The following CNTN4 variants were observed in gnomAD, a reference collection of about 807,000 sequenced individuals.
CNTN4 encodes the protein contactin 4.
A neutral mutation model predicts 122.5 loss-of-function variants in CNTN4; 77 were observed. The ratio of observed to expected loss-of-function variants is 0.63; its 90% confidence interval spans 0.52 to 0.76. CNTN4 has a LOEUF of 0.76. Among genes scored for constraint, CNTN4 ranks in the 30% least tolerant of loss-of-function variants. CNTN4 has a pLI of 0.00. For synonymous variants in CNTN4, 512 were observed against 447.0 expected, an observed-to-expected ratio of 1.15 and a Z score of -1.83; for missense variants, 1,256 against 1,259.1, an observed-to-expected ratio of 1.00 and a Z score of 0.04.
At chr3:2,103,414 C>A (rs183567055) in intron 2 of CNTN4, among the ~76,000 whole-genome samples, 1,717 of 152,272 alleles carry the variant, frequency 0.011, 13 homozygotes, top group Non-Finnish European at 0.016. Context: ...CACTTACACA[C>A]CCTTCACCAC....
chr3:2,453,576 T>G (rs998341111), intron 3 of CNTN4, among the ~76,000 whole-genome samples: 4 of 152,176 alleles, frequency 2.6e-5, no homozygotes, highest in Admixed American at 6.6e-5. Flanking sequence ...TTCATGATCA[T>G]GTAGCTTTTC....
chr3:2,637,651 C>T (rs1576307970), intron 4 of CNTN4, among the ~76,000 whole-genome samples: 1 of 152,072 alleles, frequency 6.6e-6, no homozygotes, highest in Non-Finnish European at 1.5e-5. Context: ...TGAATTCATC[C>T]TCTTGATTAT....
intron 3 of CNTN4, among the ~76,000 whole-genome samples, chr3:2,447,486 TTATAA>T (rs1405052056): frequency 1.3e-5 from 2 of 152,170 alleles, no homozygotes; most frequent in Admixed American, 1.3e-4. Context: ...ATGTCTATAT[TTATAA>T]TATATTTTAT....
chr3:2,932,788 G>A (rs1371628548), intron 13 of CNTN4, among the ~76,000 whole-genome samples: 1 of 148,914 alleles, frequency 6.7e-6, no homozygotes, highest in African/African-American at 2.5e-5. Context: ...CAAAGATGCA[G>A]ATGCTTACAG....
chr3:2,634,677 A>G (rs1180194762), intron 4 of CNTN4, among the ~76,000 whole-genome samples: 2 of 40,476 alleles, frequency 4.9e-5, no homozygotes, highest in Non-Finnish European at 9.4e-5. Flanking sequence ...AAAAATACAG[A>G]AAAAAAAAAA....
intron 3 of CNTN4, among the ~76,000 whole-genome samples, chr3:2,386,398 C>G (rs2046259221): frequency 3.3e-5 from 5 of 152,160 alleles, no homozygotes; most frequent in Admixed American, 3.3e-4. Context: ...TCACTTCAGA[C>G]AACAAAGAAT....
At chr3:2,660,771 A>C (rs868664422) in intron 4 of CNTN4, among the ~76,000 whole-genome samples, 5 of 152,224 alleles carry the variant, frequency 3.3e-5, no homozygotes, top group Admixed American at 6.5e-5. Flanking sequence ...CTTTTTTCCG[A>C]AGGCCAGAAT....
At chr3:2,760,726 A>T (rs924899560) in intron 6 of CNTN4, among the ~76,000 whole-genome samples, 3 of 152,186 alleles carry the variant, frequency 2.0e-5, no homozygotes, top group Non-Finnish European at 2.9e-5. Context: ...TTGGATATGT[A>T]ATATAAAATT....
chr3:2,668,310 C>T (rs1346640705), intron 4 of CNTN4, among the ~76,000 whole-genome samples: 1 of 152,128 alleles, frequency 6.6e-6, no homozygotes, highest in Non-Finnish European at 1.5e-5. Context: ...TCCTTCACAT[C>T]CTTTGTAAGT....
chr3:2,254,290 T>C (rs867788176), intron 2 of CNTN4, among the ~76,000 whole-genome samples: 19 of 152,280 alleles, frequency 1.2e-4, no homozygotes, highest in Middle Eastern at 6.8e-3. Flanking sequence ...CAGTCTGTCA[T>C]TGATGGGCAT....
intron 3 of CNTN4, among the ~76,000 whole-genome samples, chr3:2,561,581 T>A (rs2078957535): frequency 6.6e-6 from 1 of 152,114 alleles, no homozygotes; most frequent in Non-Finnish European, 1.5e-5. Context: ...CTCTTGTTTT[T>A]TCCAGCAAGT....
chr3:3,050,908 C>T (rs1701202087), intron 23 of CNTN4, among the ~76,000 whole-genome samples: 1 of 152,042 alleles, frequency 6.6e-6, no homozygotes, highest in African/African-American at 2.4e-5. Context: ...AGAATAATAA[C>T]ATTGCCTTCC....
chr3:2,539,192 A>G (rs1320126315), intron 3 of CNTN4, among the ~76,000 whole-genome samples: 3 of 152,072 alleles, frequency 2.0e-5, no homozygotes, highest in South Asian at 2.1e-4. Flanking sequence ...TAGGTTGACA[A>G]TTTATTCTTG....
chr3:2,508,050 G>C (rs879911318), intron 3 of CNTN4, among the ~76,000 whole-genome samples: 1 of 152,136 alleles, frequency 6.6e-6, no homozygotes, highest in Non-Finnish European at 1.5e-5. Flanking sequence ...TCCACAGACT[G>C]TTTTAATTTC....
chr3:2,666,587 T>G (rs1178866536), intron 4 of CNTN4, among the ~76,000 whole-genome samples: 5 of 78,858 alleles, frequency 6.3e-5, no homozygotes, highest in Non-Finnish European at 5.3e-5. Context: ...TAAAATGTTC[T>G]TTTTTTATTT....
At chr3:2,505,566 A>T (rs1244694653) in intron 3 of CNTN4, among the ~76,000 whole-genome samples, 1 of 152,200 alleles carries the variant, frequency 6.6e-6, no homozygotes, top group East Asian at 1.9e-4. Flanking sequence ...AACTGTTTAA[A>T]AATTGCAAAG....
At chr3:2,392,488 C>T (rs760707741) in intron 3 of CNTN4, among the ~76,000 whole-genome samples, 1 of 152,112 alleles carries the variant, frequency 6.6e-6, no homozygotes, top group Non-Finnish European at 1.5e-5. Context: ...TCTGTAGCCT[C>T]TCAATTTCTT....
chr3:2,672,613 G>C (rs7648011), intron 4 of CNTN4, among the ~76,000 whole-genome samples: 72,369 of 151,990 alleles, frequency 0.48, 18,059 homozygotes, highest in African/African-American at 0.62. Context: ...TGCGCTGCAC[G>C]TACTGTCTGA....
intron 4 of CNTN4, among the ~76,000 whole-genome samples, chr3:2,625,815 T>C (rs2149980603): frequency 6.6e-6 from 1 of 152,226 alleles, no homozygotes; most frequent in East Asian, 1.9e-4. Flanking sequence ...TGCGCCTGAT[T>C]CTAACAAGTA....
Sources: gnomAD v4.1 joint callset for allele counts (sites outside exome capture counted in the v4.1 genomes callset) on GRCh38, gnomAD v4.1.1 for gene constraint, MANE v1.5 for transcripts, NCBI Gene and HGNC (gene_info 2026-07-23, HGNC 2026-07-21) for gene names.